ABCB1: variants seen among roughly 807,000 people sequenced by gnomAD.
ABCB1 encodes the protein ATP-dependent translocase ABCB1.
Under a neutral mutation model 142.0 loss-of-function variants are expected in ABCB1, and 69 were observed. The ratio of observed to expected loss-of-function variants is 0.49; its 90% confidence interval spans 0.40 to 0.59. The LOEUF is 0.59. Among genes scored for constraint, ABCB1 ranks in the 20% least tolerant of loss-of-function variants. ABCB1 has a pLI of 0.00. For missense variants in ABCB1, 1,326 were observed against 1,554.7 expected, an observed-to-expected ratio of 0.85 and a Z score of 2.47; for synonymous variants, 532 against 539.2, an observed-to-expected ratio of 0.99 and a Z score of 0.18.
intron 1 of ABCB1, chr7:87,700,288 C>A: frequency 1.5e-6 from 1 of 670,720 alleles, no homozygotes; most frequent in South Asian, 2.6e-5. Flanking sequence ...TTTTTGACAC[C>A]TAGATTGGTG....
At chr7:87,567,001 C>T in intron 5 of ABCB1, 25 bp from the exon 6 acceptor site, 1 of 1,606,374 alleles carries the variant, frequency 6.2e-7, no homozygotes, top group Non-Finnish European at 8.5e-7. Context: ...GAACACTGCA[C>T]ATGCTCTCTG....
At position 87,549,908 on chromosome 7, in the gene ABCB1, C is replaced by T; in HGVS notation, c.1497G>A (p.Glu499=). ...TGGCTTCCTTGACAGCTTTCTCAAT[C>T]TCATCCATGGTGACATTTTCACGGC... The part of the protein sequence containing the change: ...RYGRENVTMD[E]IEKAVKEANA... The change falls in exon 13 of 28, where the codon GAG becomes GAA. Residue 499 remains glutamate (E), a synonymous_variant. Coordinates refer to ENST00000622132, the MANE Select transcript of ABCB1 (RefSeq NM_001348946.2). 1 of 1,614,210 alleles carries T rather than the reference C, an allele frequency of 6.2e-7. No homozygotes were observed. The highest frequency in any genetic ancestry group is 8.5e-7 in the Non-Finnish European group (1 of 1,180,040).
At chr7:87,561,695 C>T (rs142792759) in intron 7 of ABCB1, among the ~76,000 whole-genome samples, 2 of 152,292 alleles carry the variant, frequency 1.3e-5, no homozygotes, top group Non-Finnish European at 2.9e-5. Context: ...ATAAAGATTA[C>T]ACATGACAGG....
intron 1 of ABCB1, among the ~76,000 whole-genome samples, chr7:87,705,789 T>C (rs1791964242): frequency 6.6e-6 from 1 of 152,164 alleles, no homozygotes; most frequent in East Asian, 1.9e-4. Context: ...TATAAACATA[T>C]TATATGATCC....
At chr7:87,542,184 A>G (rs1280109012) in intron 17 of ABCB1, among the ~76,000 whole-genome samples, 1 of 152,232 alleles carries the variant, frequency 6.6e-6, no homozygotes, top group Non-Finnish European at 1.5e-5. Context: ...TCATAAAAAA[A>G]CAAACAAATA....
chr7:87,587,636 C>T (rs1818812458), intron 3 of ABCB1, among the ~76,000 whole-genome samples: 1 of 152,060 alleles, frequency 6.6e-6, no homozygotes, highest in African/African-American at 2.4e-5. Context: ...CTTTGGGAGG[C>T]CAAGGCGGGC....
chr7:87,512,311 T>G (rs1244523180), intron 25 of ABCB1, among the ~76,000 whole-genome samples: 1 of 152,102 alleles, frequency 6.6e-6, no homozygotes, highest in Non-Finnish European at 1.5e-5. Context: ...TCTCCACAAT[T>G]TAACCTAAAT....
chr7:87,636,319 T>A (rs1254258932), intron 1 of ABCB1, among the ~76,000 whole-genome samples: 1 of 152,244 alleles, frequency 6.6e-6, no homozygotes, highest in Non-Finnish European at 1.5e-5. Context: ...ATTTTCTTGA[T>A]GTCTAATGAA....
chr7:87,669,767 T>C (rs191167222), intron 1 of ABCB1, among the ~76,000 whole-genome samples: 1 of 152,280 alleles, frequency 6.6e-6, no homozygotes, highest in African/African-American at 2.4e-5. Flanking sequence ...TGGTTGAAGA[T>C]TTTTTTCTTT....
intron 1 of ABCB1, among the ~76,000 whole-genome samples, chr7:87,663,076 T>C (rs925791200): frequency 3.9e-5 from 6 of 152,160 alleles, no homozygotes; most frequent in African/African-American, 7.2e-5. Context: ...TGCTGACTTT[T>C]TGTATGTTGA....
At chr7:87,644,940 A>C (rs1822832487) in intron 1 of ABCB1, among the ~76,000 whole-genome samples, 2 of 152,068 alleles carry the variant, frequency 1.3e-5, no homozygotes, top group African/African-American at 4.8e-5. Flanking sequence ...CTATGGAAGG[A>C]ATTAATGTAA....
In ABCB1 at chr7:87,556,492, A is replaced by T. The variant is rs1035201789; in HGVS notation, c.828-2560T>A. ...GCCAGATTAAGACCTCAATTACTTT[A>T]TGTAGAAGCAGAGAAGGGAAGGAGA... On this transcript the variant is annotated intron_variant, in intron 8 of 27. Transcript: ENST00000622132. 3.9e-5 allele frequency among the ~76,000 whole-genome samples: 6 copies of T among 152,234 alleles called. No individual in the cohort carries two copies. The East Asian group carries it at 1.2e-3, about 29-fold the overall frequency.
intron 1 of ABCB1, among the ~76,000 whole-genome samples, chr7:87,624,845 C>A (rs991448550): frequency 6.6e-6 from 1 of 152,182 alleles, no homozygotes; most frequent in Admixed American, 6.5e-5. Context: ...AGTGTAATGA[C>A]ACTCCATACA....
chr7:87,621,390 A>C (rs1398510541), intron 1 of ABCB1, among the ~76,000 whole-genome samples: 1 of 152,168 alleles, frequency 6.6e-6, no homozygotes, highest in African/African-American at 2.4e-5. Flanking sequence ...GTAGCATTTT[A>C]TATCAGTGGG....
chr7:87,531,479 C>T lies in ABCB1; in HGVS notation c.2500G>A (p.Ala834Thr). 1 of 1,613,048 alleles carries T rather than the reference C, an allele frequency of 6.2e-7. No individual in the cohort carries two copies. Among genetic ancestry groups the T allele is most frequent in the Non-Finnish European group, 8.5e-7 (1 of 1,179,582 alleles). ...TTTGCTATATTCTGGGTAATTACAGCAAGCCTGGAACCTATAGCCTGCAAA... is the reference window on the plus strand; with the variant it reads ...TTTGCTATATTCTGGGTAATTACAGTAAGCCTGGAACCTATAGCCTGCAAA... Reference protein sequence around the residue: ...QVKGAIGSRLAVITQNIANLG... With the variant: ...QVKGAIGSRLTVITQNIANLG... The change falls in exon 21 of 28, where the codon GCT (alanine) becomes ACT (threonine). Residue 834 changes from alanine (A) to threonine (T), a missense_variant. By Grantham distance (58) the Ala-to-Thr change is moderately conservative. Coordinates refer to ENST00000622132, the MANE Select transcript of ABCB1 (RefSeq NM_001348946.2).
chr7:87,636,179 A>G (rs907989914), intron 1 of ABCB1, among the ~76,000 whole-genome samples: 3 of 152,194 alleles, frequency 2.0e-5, no homozygotes, highest in Non-Finnish European at 4.4e-5. Context: ...AGTTGTACCA[A>G]CACTCATACT....
chr7:87,586,925 A>G (rs1236293386), intron 3 of ABCB1, among the ~76,000 whole-genome samples: 1 of 152,136 alleles, frequency 6.6e-6, no homozygotes, highest in East Asian at 1.9e-4. Flanking sequence ...ATACTTAAGT[A>G]TTTGCATTTA....
intron 1 of ABCB1, among the ~76,000 whole-genome samples, chr7:87,710,996 T>G (rs1830024792): frequency 6.6e-6 from 1 of 152,180 alleles, no homozygotes; most frequent in African/African-American, 2.4e-5. Context: ...ATCTTTTTTC[T>G]TTTCACCTCA....
At position 87,587,279 on chromosome 7, in the gene ABCB1, C is replaced by T. The variant is rs28381818; in HGVS notation, c.118-1599G>A. 4.8e-3 allele frequency among the ~76,000 whole-genome samples: 736 copies of T among 152,184 alleles called. 3 individuals are homozygous for T. Among genetic ancestry groups the T allele is most frequent in the African/African-American group, 0.017 (699 of 41,514 alleles). ...GATATGAAAAAATTTCTCCCATCACCACCAACACAGGACATTTTACCTCCA... is the reference window on the plus strand; with the variant it reads ...GATATGAAAAAATTTCTCCCATCACTACCAACACAGGACATTTTACCTCCA... On this transcript the variant is annotated intron_variant, in intron 3 of 27. Coordinates refer to ENST00000622132, the MANE Select transcript of ABCB1 (RefSeq NM_001348946.2).
Sources: allele counts gnomAD v4.1 joint callset (sites outside exome capture counted in the v4.1 genomes callset), GRCh38; gene constraint gnomAD v4.1.1; transcripts MANE v1.5; gene names NCBI Gene and HGNC (gene_info 2026-07-23, HGNC 2026-07-21).